The following MAP2K5 variants were observed in gnomAD, a reference collection of about 807,000 sequenced individuals.
MAP2K5 encodes the protein dual specificity mitogen-activated protein kinase kinase 5.
Under a neutral mutation model 83.1 loss-of-function variants are expected in MAP2K5, and 49 were observed. That is an observed-to-expected ratio of 0.59 (90% CI 0.47 to 0.75). The LOEUF is 0.75. MAP2K5 is among the 30% of genes least tolerant of loss of function. The pLI is 0.00. For synonymous variants in MAP2K5, 202 were observed against 191.8 expected, an observed-to-expected ratio of 1.05 and a Z score of -0.44; for missense variants, 457 against 557.5, an observed-to-expected ratio of 0.82 and a Z score of 1.82.
At chr15:67,648,138 A>G (rs2141122246) in intron 11 of MAP2K5, among the ~76,000 whole-genome samples, 1 of 152,320 alleles carries the variant, frequency 6.6e-6, no homozygotes, top group South Asian at 2.1e-4. Flanking sequence ...TGATATACTC[A>G]CAAGGTTGTG....
At chr15:67,613,826 T>C (rs781305630) in intron 8 of MAP2K5, among the ~76,000 whole-genome samples, 2 of 151,982 alleles carry the variant, frequency 1.3e-5, no homozygotes, top group Non-Finnish European at 2.9e-5. Flanking sequence ...ATATTACATC[T>C]GATATTACGG....
intron 21 of MAP2K5, among the ~76,000 whole-genome samples, chr15:67,799,721 A>G (rs1235365821): frequency 6.6e-6 from 1 of 152,228 alleles, no homozygotes; most frequent in East Asian, 1.9e-4. Flanking sequence ...AGATCTGCCC[A>G]GTGGGCCCAC....
chr15:67,610,803 T>C (rs553547402), intron 8 of MAP2K5, among the ~76,000 whole-genome samples: 17 of 152,328 alleles, frequency 1.1e-4, no homozygotes, highest in African/African-American at 4.1e-4. Flanking sequence ...TTAAATTTTT[T>C]TAAAAAAACA....
intron 8 of MAP2K5, among the ~76,000 whole-genome samples, chr15:67,603,721 T>C (rs913925949): frequency 3.3e-5 from 5 of 152,238 alleles, no homozygotes; most frequent in Non-Finnish European, 5.9e-5. Context: ...GGATCCACTT[T>C]ACTAAAGTCT....
Position 67,582,848 on chromosome 15 carries a change from A to ACG in MAP2K5, c.322+2026_322+2027insGC, listed in dbSNP as rs1251251895. ...AACACACACACACACACACACACAC[A>ACG]CACACACTTCCAATGTTGTGGGTCT... On this transcript the variant is annotated intron_variant, in intron 4 of 21. Transcript: ENST00000178640. 7.7e-3 allele frequency among the ~76,000 whole-genome samples: 1,174 copies of ACG among 151,522 alleles called. 62 individuals are homozygous for ACG. The highest frequency in any genetic ancestry group is 0.02 in the African/African-American group (815 of 41,012).
At chr15:67,712,493 A>G (rs1428566634) in intron 16 of MAP2K5, among the ~76,000 whole-genome samples, 1 of 152,258 alleles carries the variant, frequency 6.6e-6, no homozygotes, top group Non-Finnish European at 1.5e-5. Flanking sequence ...GCAGAGGGTA[A>G]AAAGTTCAAA....
chr15:67,721,089 T>C (rs2088949875), intron 16 of MAP2K5, among the ~76,000 whole-genome samples: 1 of 152,186 alleles, frequency 6.6e-6, no homozygotes, highest in South Asian at 2.1e-4. Flanking sequence ...AATAAGCCCA[T>C]TTCTTTTTAT....
At chr15:67,664,694 T>C in intron 13 of MAP2K5, 49 bp downstream of exon 13, 4 of 1,165,898 alleles carry the variant, frequency 3.4e-6, no homozygotes, top group Non-Finnish European at 3.8e-6. Flanking sequence ...TGGGGTTGGG[T>C]CTCTCCAGAT....
At chr15:67,589,769 ATGTGTGTGTGTGTATGTGTG>A (rs1295558566) in intron 6 of MAP2K5, among the ~76,000 whole-genome samples, 4 of 121,880 alleles carry the variant, frequency 3.3e-5, no homozygotes, top group Non-Finnish European at 7.0e-5. Context: ...CCAGAAAAAA[ATGTGTGTGTGTGTATGTGTG>A]TGTGTGTGTG....
At chr15:67,662,716 C>CT (rs949462815) in intron 12 of MAP2K5, among the ~76,000 whole-genome samples, 1 of 152,118 alleles carries the variant, frequency 6.6e-6, no homozygotes, top group Non-Finnish European at 1.5e-5. Context: ...ATGGAAACAT[C>CT]TTTTTTTCAG....
rs534439959 is a variant in MAP2K5 at position 67,555,354 on chromosome 15, C to T, written c.184+5272C>T. ...GAACCAACAGAGTGAGAACCCACTACCATAGAGAGGGCACTGAGTCATTCA... is the reference window on the plus strand; with the variant it reads ...GAACCAACAGAGTGAGAACCCACTATCATAGAGAGGGCACTGAGTCATTCA... On this transcript the variant is annotated intron_variant, in intron 2 of 21. Coordinates refer to ENST00000178640, the MANE Select transcript of MAP2K5 (RefSeq NM_145160.3). The surrounding 1 kb of genome is among the most constrained non-coding windows in gnomAD (Gnocchi z 5.2). Among the ~76,000 whole-genome samples, 2 of 152,154 alleles carry T rather than the reference C, an allele frequency of 1.3e-5. No individual in the cohort carries two copies. The highest frequency in any genetic ancestry group is 2.9e-5 in the Non-Finnish European group (2 of 68,026).
At chr15:67,688,386 T>C (rs202188275) in intron 13 of MAP2K5, among the ~76,000 whole-genome samples, 3 of 152,222 alleles carry the variant, frequency 2.0e-5, no homozygotes, top group Non-Finnish European at 4.4e-5. Context: ...CAAACTATAA[T>C]AGAGCAAGTG....
In MAP2K5 at chr15:67,779,873, G is replaced by A. The variant is rs1045904409; in HGVS notation, c.1242+7121G>A. 3.9e-5 allele frequency among the ~76,000 whole-genome samples: 6 copies of A among 152,288 alleles called. No homozygotes were observed. Among genetic ancestry groups the A allele is most frequent in the African/African-American group, 1.4e-4 (6 of 41,556 alleles). ...TGCCGTGCCAGATTTGCGGCAGCGG[G>A]AGGCTAAGGTGGGTCTTTAAAGTAT... On this transcript the variant is annotated intron_variant, in intron 21 of 21. Coordinates refer to ENST00000178640, the MANE Select transcript of MAP2K5 (RefSeq NM_145160.3). The surrounding 1 kb of genome is among the most constrained non-coding windows in gnomAD (Gnocchi z 4.6).
At position 67,774,760 on chromosome 15, in the gene MAP2K5, G is replaced by T. The variant is rs1047457204; in HGVS notation, c.1242+2008G>T. Among the ~76,000 whole-genome samples, 1 of 152,218 alleles carries T rather than the reference G, an allele frequency of 6.6e-6. No individual in the cohort carries two copies. Among genetic ancestry groups the T allele is most frequent in the African/African-American group, 2.4e-5 (1 of 41,456 alleles). On this transcript the variant is annotated intron_variant, in intron 21 of 21. Coordinates refer to ENST00000178640, the MANE Select transcript of MAP2K5 (RefSeq NM_145160.3). The surrounding 1 kb of genome is among the most constrained non-coding windows in gnomAD (Gnocchi z 4.9). The stretch of plus-strand genomic sequence containing the variant: ...TATAGAGCCCATTTGTCACCTGGGT[G>T]GGGGCCTGTGCCTTTCACAAAAAGA...
At chr15:67,616,670 C>A (rs534211290) in intron 8 of MAP2K5, among the ~76,000 whole-genome samples, 1 of 152,190 alleles carries the variant, frequency 6.6e-6, no homozygotes, top group Non-Finnish European at 1.5e-5. Flanking sequence ...CTTTGTTCAC[C>A]GTTTTTCTTG....
At position 67,722,347 on chromosome 15, in the gene MAP2K5, A is replaced by G. The variant is rs890216874; in HGVS notation, c.1045-5569A>G. 6.8e-6 allele frequency among the ~76,000 whole-genome samples: 1 copy of G among 146,850 alleles called. No homozygotes were observed. The highest frequency in any genetic ancestry group is 1.5e-5 in the Non-Finnish European group (1 of 67,450). On this transcript the variant is annotated intron_variant, in intron 16 of 21. Coordinates refer to ENST00000178640, the MANE Select transcript of MAP2K5 (RefSeq NM_145160.3). This position sits in a 1 kb window ranked among gnomAD's most constrained non-coding sequence, Gnocchi z 4.2. ...TAGGCAGAAGATTAAATTAATTTGT[A>G]ACTCTTTTTTTTTTTTTTTGGTCCT...
intron 3 of MAP2K5, among the ~76,000 whole-genome samples, chr15:67,571,166 G>A (rs187283169): frequency 6.6e-6 from 1 of 152,176 alleles, no homozygotes; most frequent in Non-Finnish European, 1.5e-5. Context: ...TCAGGTTTTT[G>A]AAGGCATAGT....
Position 67,717,992 on chromosome 15 carries a change from C to G in MAP2K5, c.1045-9924C>G, listed in dbSNP as rs1306801283. 6.6e-6 allele frequency: 1 copy of G among 152,138 alleles called. No individual in the cohort carries two copies. Among genetic ancestry groups the G allele is most frequent in the South Asian group, 2.1e-4 (1 of 4,830 alleles). The allele number at this position is 152,138 out of a possible 1,614,324, so 9.4% of individuals were successfully genotyped here. A position where few individuals can be genotyped will look rare whatever the true frequency, so the allele number is the denominator to read the frequency against. On this transcript the variant is annotated intron_variant, in intron 16 of 21. Coordinates refer to ENST00000178640, the MANE Select transcript of MAP2K5 (RefSeq NM_145160.3). The surrounding 1 kb of genome is among the most constrained non-coding windows in gnomAD (Gnocchi z 4.1). Reference sequence around the variant, plus strand: ...TCTTGGGCTGTAGATTCTTTTAAGGCCATCACTGGAAGCACGGCACATTTC... The same window carrying G: ...TCTTGGGCTGTAGATTCTTTTAAGGGCATCACTGGAAGCACGGCACATTTC...
At chr15:67,588,937 T>TC (rs1332846556) in intron 6 of MAP2K5, among the ~76,000 whole-genome samples, 4 of 152,170 alleles carry the variant, frequency 2.6e-5, no homozygotes, top group African/African-American at 4.8e-5. Flanking sequence ...CACCTCAGCC[T>TC]CCCAAGTAGC....
Sources: allele counts gnomAD v4.1 joint callset (sites outside exome capture counted in the v4.1 genomes callset), GRCh38; gene constraint gnomAD v4.1.1; non-coding constraint Gnocchi (gnomAD v3.1); transcripts MANE v1.5; gene names NCBI Gene and HGNC (gene_info 2026-07-23, HGNC 2026-07-21).